ETV1: variants seen among roughly 807,000 people sequenced by gnomAD.
ETV1 encodes ETS translocation variant 1.
Under a neutral mutation model 62.3 loss-of-function variants are expected in ETV1, and 27 were observed. The ratio of observed to expected loss-of-function variants is 0.43; its 90% CI spans 0.32 to 0.60. ETV1 has a LOEUF of 0.60. Among genes scored for constraint, ETV1 ranks in the 20% least tolerant of loss-of-function variants. ETV1 has a pLI of 0.06. For synonymous variants in ETV1, 222 were observed against 199.6 expected (o/e 1.11, Z -0.94); for missense variants, 605 against 605.8 (o/e 1.00, Z 0.01).
At chr7:13,908,543 A>C (rs1200385791) in intron 11 of ETV1, among the ~76,000 whole-genome samples, 2 of 152,158 alleles carry the variant, frequency 1.3e-5, no homozygotes, top group Non-Finnish European at 2.9e-5. Context: ...CAAAGCTTAA[A>C]GCTAACATCT....
chr7:13,934,260 A>G (rs545489020), intron 8 of ETV1, among the ~76,000 whole-genome samples: 14 of 152,298 alleles, frequency 9.2e-5, no homozygotes, highest in Non-Finnish European at 2.1e-4. Flanking sequence ...TTTAATAACT[A>G]CCCCACAAGA....
chr7:13,931,177 A>T (rs1786100300), intron 9 of ETV1, among the ~76,000 whole-genome samples: 1 of 152,300 alleles, frequency 6.6e-6, no homozygotes, highest in African/African-American at 2.4e-5. Flanking sequence ...GCACTGTAGT[A>T]GCAAAATAAG....
chr7:13,986,588 T>G (rs773566487), intron 5 of ETV1, 50 bp downstream of exon 5: 2 of 1,606,872 alleles, frequency 1.2e-6, no homozygotes, highest in Non-Finnish European at 1.7e-6. Flanking sequence ...CTTCTTTTCT[T>G]TCTCCTTCTA....
At chr7:13,909,594 T>C (rs1783357247) in intron 11 of ETV1, 38 bp downstream of exon 11, 2 of 1,496,874 alleles carry the variant, frequency 1.3e-6, no homozygotes, top group Non-Finnish European at 1.9e-6. Context: ...ACTCCATCTT[T>C]AAAAAAATCA....
chr7:13,899,968 A>G (rs2128405030), intron 13 of ETV1, among the ~76,000 whole-genome samples: 1 of 152,302 alleles, frequency 6.6e-6, no homozygotes, highest in South Asian at 2.1e-4. Flanking sequence ...ATCTCTTCTA[A>G]GAACACAAAA....
chr7:13,891,329 A>C lies in ETV1; in HGVS notation c.*4537T>G, dbSNP rs2128394069. The C allele has an allele frequency of 4.3e-6, 1 of 230,938 alleles. No homozygotes were observed. Among genetic ancestry groups the C allele is most frequent in the South Asian group, 1.8e-4 (1 of 5,522 alleles). 14.3% of individuals were successfully genotyped at this position (230,938 alleles called of 1,614,324 possible). ...CATGTTTTCTCAAACCGTAAGTATAATTTTAATACAACCAAGTGAATTAAA... is the reference window on the plus strand; with the variant it reads ...CATGTTTTCTCAAACCGTAAGTATACTTTTAATACAACCAAGTGAATTAAA... On this transcript the variant is annotated 3_prime_UTR_variant, in exon 14 of 14. Transcript: ENST00000430479.
At chr7:13,902,395 G>C (rs1195295275) in intron 12 of ETV1, among the ~76,000 whole-genome samples, 2 of 151,868 alleles carry the variant, frequency 1.3e-5, no homozygotes, top group African/African-American at 4.8e-5. Flanking sequence ...GTAGAGAGAT[G>C]CGATGTAACA....
chr7:13,981,530 TAC>T (rs533996177), intron 5 of ETV1, among the ~76,000 whole-genome samples: 2,618 of 131,556 alleles, frequency 0.02, 70 homozygotes, highest in African/African-American at 0.069. Flanking sequence ...CATACATACA[TAC>T]ATATATATAT....
At position 13,893,870 on chromosome 7, in the gene ETV1, A is replaced by T. The variant is rs1333902704; in HGVS notation, c.*1996T>A. On this transcript the variant is annotated 3_prime_UTR_variant, in exon 14 of 14. Coordinates refer to ENST00000430479, the MANE Select transcript of ETV1 (RefSeq NM_004956.5). ...TTTTTAAGGCATAGTTTTCTTTTTT[A>T]GGCCCAAAATGGGCCAAAATAATAC... 4.3e-6 allele frequency: 1 copy of T among 233,078 alleles called. No homozygotes were observed. The highest frequency in any genetic ancestry group is 2.2e-5 in the African/African-American group (1 of 45,338). 14.4% of individuals were successfully genotyped at this position (233,078 alleles called of 1,614,324 possible). A position where few individuals can be genotyped will look rare whatever the true frequency, so the allele number is the denominator to read the frequency against.
chr7:13,955,366 G>C (rs368243793), intron 6 of ETV1, among the ~76,000 whole-genome samples: 3 of 152,266 alleles, frequency 2.0e-5, no homozygotes, highest in African/African-American at 7.2e-5. Context: ...AGTAAAGACT[G>C]TGATTGGGCA....
Position 13,895,634 on chromosome 7 carries a change from A to T in ETV1, c.*232T>A. Reference sequence around the variant, plus strand: ...CCCAAATCCCTCTGCCCATTCACCCATTAGCTTCCTGTTACACAGAATAAA... The same window carrying T: ...CCCAAATCCCTCTGCCCATTCACCCTTTAGCTTCCTGTTACACAGAATAAA... On this transcript the variant is annotated 3_prime_UTR_variant, in exon 14 of 14. Transcript: ENST00000430479. 2.0e-6 allele frequency: 1 copy of T among 495,246 alleles called. No individual in the cohort carries two copies. Among genetic ancestry groups the T allele is most frequent in the Non-Finnish European group, 3.6e-6 (1 of 277,902 alleles). The allele number at this position is 495,246 out of a possible 1,614,324, so 30.7% of individuals were successfully genotyped here.
chr7:13,949,885 T>A lies in ETV1; in HGVS notation c.236-10639A>T, dbSNP rs140344392. 5.3e-5 allele frequency among the ~76,000 whole-genome samples: 8 copies of A among 152,314 alleles called. No individual in the cohort carries two copies. In the East Asian group the frequency reaches 1.5e-3, roughly 29 times the overall value. Reference sequence around the variant, plus strand: ...TAGACCATAGCACAGCAAGTTGATATGTATTTTTTTCTTAAATAATATTCT... The same window carrying A: ...TAGACCATAGCACAGCAAGTTGATAAGTATTTTTTTCTTAAATAATATTCT... On this transcript the variant is annotated intron_variant, in intron 6 of 13. Transcript: ENST00000430479.
chr7:13,913,581 T>G (rs1338877413), intron 9 of ETV1, among the ~76,000 whole-genome samples: 1 of 152,188 alleles, frequency 6.6e-6, no homozygotes. Context: ...TGGGACTTAT[T>G]ATTAATAACA....
rs756650303 is a variant in ETV1 at position 13,896,008 on chromosome 7, C to T, written c.1292G>A (p.Arg431His). Reference protein sequence around the residue: ...LFSMAFPDNQRPLLKTDMERH... With the variant: ...LFSMAFPDNQHPLLKTDMERH... Reference sequence around the variant, plus strand: ...TTCCATGTCTGTCTTCAGCAGTGGACGCTGATTATCTGGAAAGGCCATGGA... The same window carrying T: ...TTCCATGTCTGTCTTCAGCAGTGGATGCTGATTATCTGGAAAGGCCATGGA... Residue 431 changes from arginine to histidine, a missense_variant, in exon 14 of 14, where the codon CGT becomes CAT. Arg to His is a conservative substitution (Grantham distance 29, BLOSUM62 0). Coordinates refer to ENST00000430479, the MANE Select transcript of ETV1 (RefSeq NM_004956.5). 1.2e-5 allele frequency: 20 copies of T among 1,613,510 alleles called. No individual in the cohort carries two copies. Among genetic ancestry groups the T allele is most frequent in the Non-Finnish European group, 1.4e-5 (17 of 1,179,754 alleles).
rs140124982 is a variant in ETV1, at chr7:13,970,947, C to G, written c.235+6480G>C. 4.5e-3 allele frequency among the ~76,000 whole-genome samples: 680 copies of G among 151,760 alleles called. 1 individual carries two copies. Among genetic ancestry groups the G allele is most frequent in the Admixed American group, 9.0e-3 (137 of 15,232 alleles). On this transcript the variant is annotated intron_variant, in intron 6 of 13. Coordinates refer to ENST00000430479, the MANE Select transcript of ETV1 (RefSeq NM_004956.5). ...TTCATTGAAAAAAAAAAGTCAAATG[C>G]TATTCTTTCTTTTATTTATTTTATT...
intron 6 of ETV1, among the ~76,000 whole-genome samples, chr7:13,971,977 T>C (rs1252872455): frequency 6.6e-6 from 1 of 151,940 alleles, no homozygotes; most frequent in Non-Finnish European, 1.5e-5. Context: ...CCAGGCATGG[T>C]AGCGCATGCC....
intron 6 of ETV1, among the ~76,000 whole-genome samples, chr7:13,975,673 TAAG>T (rs1416100228): frequency 3.8e-5 from 5 of 131,980 alleles, no homozygotes; most frequent in South Asian, 2.4e-4. Flanking sequence ...ATGAGTTGAG[TAAG>T]AAGGAGTGGT....
chr7:13,967,288 G>T (rs1780397558), intron 6 of ETV1, among the ~76,000 whole-genome samples: 1 of 152,036 alleles, frequency 6.6e-6, no homozygotes, highest in Non-Finnish European at 1.5e-5. Context: ...ATAACTAGGA[G>T]TAACTATGAA....
upstream of ETV1, chr7:13,989,667 G>A (rs556777481): frequency 2.5e-6 from 1 of 398,924 alleles, no homozygotes; most frequent in East Asian, 3.6e-5. Flanking sequence ...AAGCGCCTCT[G>A]ACAGAGCTCA....
Sources: allele counts gnomAD v4.1 joint callset (sites outside exome capture counted in the v4.1 genomes callset), GRCh38; gene constraint gnomAD v4.1.1; transcripts MANE v1.5; gene names NCBI Gene and HGNC (gene_info 2026-07-23, HGNC 2026-07-21).